PACSIN2: variants seen among roughly 807,000 people sequenced by gnomAD.
The protein encoded by PACSIN2 is protein kinase C and casein kinase substrate in neurons protein 2.
In PACSIN2, 25 loss-of-function variants were observed where a neutral mutation model predicts 63.8. The observed-to-expected ratio is 0.39, with a 90% CI of 0.29 to 0.55. The LOEUF (loss-of-function observed/expected upper bound fraction) is 0.55, where lower values mean the gene tolerates loss of function less well. PACSIN2 is among the 20% of genes least tolerant of loss of function. The pLI is 0.62. For synonymous variants in PACSIN2, 255 were observed against 256.2 expected, an observed-to-expected ratio of 1.00 and a Z score of 0.05; for missense variants, 518 against 646.9, an observed-to-expected ratio of 0.80 and a Z score of 2.16.
intron 2 of PACSIN2, among the ~76,000 whole-genome samples, chr22:42,908,569 C>T (rs1931239803): frequency 6.6e-6 from 1 of 152,234 alleles, no homozygotes; most frequent in Non-Finnish European, 1.5e-5. Context: ...CAAGCTGCCC[C>T]ATGCCCTGCC....
chr22:42,912,369 C>T (rs994573560), intron 1 of PACSIN2, among the ~76,000 whole-genome samples: 4 of 152,032 alleles, frequency 2.6e-5, no homozygotes, highest in African/African-American at 4.8e-5. Context: ...GTGATGGGGG[C>T]GAGGGGTGCA....
chr22:42,990,201 T>C (rs1266239754), intron 1 of PACSIN2, among the ~76,000 whole-genome samples: 1 of 151,954 alleles, frequency 6.6e-6, no homozygotes, highest in Non-Finnish European at 1.5e-5. Context: ...CAACGTGACT[T>C]TCCACATGAG....
intron 1 of PACSIN2, among the ~76,000 whole-genome samples, chr22:42,984,753 T>C (rs1922488239): frequency 6.6e-6 from 1 of 152,098 alleles, no homozygotes; most frequent in East Asian, 1.9e-4. Flanking sequence ...CTTACAAGAT[T>C]ATCTTAACAC....
rs114312370 is a variant in PACSIN2 at position 42,966,066 on chromosome 22, C to T, written c.-78+48955G>A. ...TTAGCCTTTCATATGTTTCATGAACCAAGATGTAAATAGAGCCATCTTGGG... is the reference window on the plus strand; with the variant it reads ...TTAGCCTTTCATATGTTTCATGAACTAAGATGTAAATAGAGCCATCTTGGG... On this transcript the variant is annotated intron_variant, in intron 1 of 10. Transcript: ENST00000263246. Among the ~76,000 whole-genome samples, 627 of 152,176 alleles carry T rather than the reference C, an allele frequency of 4.1e-3. 3 individuals are homozygous for T. Among genetic ancestry groups the T allele is most frequent in the African/African-American group, 0.014 (591 of 41,512 alleles).
In PACSIN2 at chr22:42,909,873, G is replaced by A. The variant is rs573331860; in HGVS notation, c.60+2148C>T. The stretch of plus-strand genomic sequence containing the variant: ...TGGGTAATGAAGACAATGTCGCCAA[G>A]GGCACCGCAGGAACAGACATTGACT... On this transcript the variant is annotated intron_variant, in intron 2 of 10. Transcript: ENST00000263246. 1.9e-4 allele frequency among the ~76,000 whole-genome samples: 29 copies of A among 152,270 alleles called. 1 individual carries two copies. In the South Asian group the frequency reaches 5.8e-3, roughly 31 times the overall value.
chr22:42,911,882 T>C, intron 2 of PACSIN2, 139 bp downstream of exon 2: 1 of 655,222 alleles, frequency 1.5e-6, no homozygotes, highest in Non-Finnish European at 2.7e-6. Context: ...TCTGCTGCTA[T>C]CTAGGTCTGA....
Position 42,871,003 on chromosome 22 carries a change from C to G in PACSIN2, c.*354G>C. On this transcript the variant is annotated 3_prime_UTR_variant, in exon 11 of 11. Coordinates refer to ENST00000263246, the MANE Select transcript of PACSIN2 (RefSeq NM_001184970.3). This position sits in a 1 kb window ranked among gnomAD's most constrained non-coding sequence, Gnocchi z 5.4. The stretch of plus-strand genomic sequence containing the variant: ...GTTCATTTAAGTTGCAGGTGATGGA[C>G]TCGTCAGAGAGAGTAATCAGTGGAA... 4.1e-6 allele frequency: 1 copy of G among 246,850 alleles called. No homozygotes were observed. Among genetic ancestry groups the G allele is most frequent in the East Asian group, 8.4e-5 (1 of 11,944 alleles). 15.3% of individuals were successfully genotyped at this position (246,850 alleles called of 1,614,324 possible).
At chr22:42,891,270 T>C in intron 3 of PACSIN2, 88 bp from the exon 4 acceptor site, 2 of 783,582 alleles carry the variant, frequency 2.6e-6, no homozygotes, top group South Asian at 1.6e-5. Context: ...AATGTGGCCA[T>C]TTAGACCACA....
chr22:42,980,124 A>G (rs979368707), intron 1 of PACSIN2, among the ~76,000 whole-genome samples: 3 of 152,236 alleles, frequency 2.0e-5, no homozygotes, highest in African/African-American at 4.8e-5. Context: ...TAGGTATGGC[A>G]AAACAAGTAT....
At chr22:42,903,270 T>A (rs969368949) in intron 2 of PACSIN2, among the ~76,000 whole-genome samples, 1 of 152,338 alleles carries the variant, frequency 6.6e-6, no homozygotes, top group East Asian at 1.9e-4. Flanking sequence ...GGTGTGCGTG[T>A]GCCTGGCAGA....
intron 1 of PACSIN2, among the ~76,000 whole-genome samples, chr22:42,986,935 C>T (rs906658832): frequency 1.3e-5 from 2 of 152,138 alleles, no homozygotes; most frequent in African/African-American, 4.8e-5. Flanking sequence ...CCCTAAGATC[C>T]CCTTCTTGAG....
At chr22:42,913,229 C>T (rs1931577669) in intron 1 of PACSIN2, among the ~76,000 whole-genome samples, 1 of 152,198 alleles carries the variant, frequency 6.6e-6, no homozygotes, top group Admixed American at 6.5e-5. Context: ...CCTGTAATCC[C>T]AGCACTTTGG....
chr22:42,970,060 TG>T (rs1569336968), intron 1 of PACSIN2, among the ~76,000 whole-genome samples: 1 of 152,166 alleles, frequency 6.6e-6, no homozygotes, highest in African/African-American at 2.4e-5. Context: ...CCACCTGACC[TG>T]GCATGCCCCC....
chr22:42,963,344 C>T (rs1920929836), intron 1 of PACSIN2, among the ~76,000 whole-genome samples: 1 of 152,156 alleles, frequency 6.6e-6, no homozygotes, highest in African/African-American at 2.4e-5. Context: ...GAGAGTCCAC[C>T]AAGTTAACTA....
chr22:42,931,045 C>A (rs1019265925), intron 1 of PACSIN2, among the ~76,000 whole-genome samples: 1 of 152,242 alleles, frequency 6.6e-6, no homozygotes, highest in Non-Finnish European at 1.5e-5. Context: ...GGAATTCTTT[C>A]ATTCACTCAT....
At chr22:42,944,800 A>G (rs1457977546) in intron 1 of PACSIN2, among the ~76,000 whole-genome samples, 2 of 152,208 alleles carry the variant, frequency 1.3e-5, no homozygotes, top group Non-Finnish European at 2.9e-5. Context: ...ACATCAACTT[A>G]TAAGGTGAGG....
Position 42,888,647 on chromosome 22 carries a change from A to C in PACSIN2, c.605T>G (p.Leu202Arg), listed in dbSNP as rs1569224827. The C allele has an allele frequency of 1.9e-6, 3 of 1,614,238 alleles. No individual in the cohort carries two copies. The highest frequency in any genetic ancestry group is 2.2e-5 in the East Asian group (1 of 44,890). ...AAAAACAAGTGTACAGTTTACCTTAAGAACATCTTGCTTGCACTTTTCTAT... is the reference window on the plus strand; with the variant it reads ...AAAAACAAGTGTACAGTTTACCTTACGAACATCTTGCTTGCACTTTTCTAT... ...DKIEKCKQDV[L>R]KTKEKYEKSL... is the part of the protein sequence containing the mutation. The change falls in exon 5 of 11, where the codon CTT becomes CGT. Residue 202 changes from leucine (L) to arginine (R), a missense_variant. Around this residue, in one of 2 missense-constraint regions of PACSIN2, gnomAD observed 507 missense variants for 612.3 expected, o/e 0.83. Coordinates refer to ENST00000263246, the MANE Select transcript of PACSIN2 (RefSeq NM_001184970.3).
At chr22:42,903,158 A>G (rs1930819193) in intron 2 of PACSIN2, among the ~76,000 whole-genome samples, 2 of 152,220 alleles carry the variant, frequency 1.3e-5, no homozygotes. Flanking sequence ...CCCTAAGCCA[A>G]CCCACGTCCC....
intron 5 of PACSIN2, among the ~76,000 whole-genome samples, chr22:42,887,254 T>C (rs555823399): frequency 1.3e-5 from 2 of 152,290 alleles, no homozygotes; most frequent in African/African-American, 2.4e-5. Context: ...TGACGAACTC[T>C]CGTGTAGATG....
Sources: allele counts gnomAD v4.1 joint callset (sites outside exome capture counted in the v4.1 genomes callset), GRCh38; gene constraint gnomAD v4.1.1; regional missense constraint gnomAD v4.1.1; non-coding constraint Gnocchi (gnomAD v3.1); transcripts MANE v1.5; gene names NCBI Gene and HGNC (gene_info 2026-07-23, HGNC 2026-07-21).